The following STAMBPL1 variants were observed in gnomAD, a reference collection of about 807,000 sequenced individuals.
STAMBPL1 encodes STAM binding protein like 1, also known as AMSH-like protease.
Under a neutral mutation model 52.9 loss-of-function variants are expected in STAMBPL1, and 44 were observed. That is an observed-to-expected ratio of 0.83 (90% CI 0.65 to 1.07). STAMBPL1 has a LOEUF of 1.07. STAMBPL1 is among the 50% of genes least tolerant of loss of function. STAMBPL1 has a pLI of 0.00. For missense variants in STAMBPL1, 511 were observed against 520.8 expected (o/e 0.98, Z 0.18); for synonymous variants, 164 against 177.3 (o/e 0.92, Z 0.60).
intron 10 of STAMBPL1, among the ~76,000 whole-genome samples, chr10:88,922,883 C>CT (rs928575598): frequency 4.0e-5 from 6 of 150,962 alleles, no homozygotes; most frequent in East Asian, 1.9e-4. Context: ...TTGACTACGC[C>CT]TTTTTTTTTC....
At chr10:88,889,190 T>TTTTAAAACC (rs1425176917) in intron 1 of STAMBPL1, among the ~76,000 whole-genome samples, 1 of 152,206 alleles carries the variant, frequency 6.6e-6, no homozygotes, top group African/African-American at 2.4e-5. Context: ...TGGCTATTTA[T>TTTTAAAACC]TTTAAAACCA....
At chr10:88,886,173 C>T (rs866183277) in intron 1 of STAMBPL1, among the ~76,000 whole-genome samples, 3 of 152,170 alleles carry the variant, frequency 2.0e-5, no homozygotes, top group East Asian at 1.9e-4. Context: ...AATACCAAAA[C>T]GTCAAGGAAA....
intron 5 of STAMBPL1, 87 bp from the exon 6 acceptor site, chr10:88,913,014 G>C: frequency 8.7e-7 from 1 of 1,149,244 alleles, no homozygotes; most frequent in Non-Finnish European, 1.2e-6. Flanking sequence ...CATTTTCTCT[G>C]TCTGCTTGAA....
intron 2 of STAMBPL1, among the ~76,000 whole-genome samples, chr10:88,903,099 A>G (rs1234238814): frequency 2.0e-5 from 3 of 152,166 alleles, no homozygotes; most frequent in African/African-American, 7.2e-5. Flanking sequence ...TTAAAATTTT[A>G]TTGTATATGT....
chr10:88,893,064 G>A (rs1174134497), intron 1 of STAMBPL1, among the ~76,000 whole-genome samples: 2 of 152,158 alleles, frequency 1.3e-5, no homozygotes, highest in Admixed American at 6.5e-5. Flanking sequence ...TGCCTTATGG[G>A]TAGCTTATCT....
intron 10 of STAMBPL1, 54 bp from the exon 11 acceptor site, chr10:88,923,114 G>T (rs1845555373): frequency 7.8e-7 from 1 of 1,289,296 alleles, no homozygotes; most frequent in African/African-American, 1.5e-5. Flanking sequence ...AAATCATATG[G>T]TAAACATTAT....
chr10:88,915,664 G>A (rs1490736164), intron 7 of STAMBPL1, among the ~76,000 whole-genome samples: 4 of 152,180 alleles, frequency 2.6e-5, no homozygotes, highest in Non-Finnish European at 2.9e-5. Flanking sequence ...CAACAGCCAC[G>A]GTCCCTGCCT....
At chr10:88,894,647 C>T (rs554532626) in intron 1 of STAMBPL1, among the ~76,000 whole-genome samples, 70 of 152,074 alleles carry the variant, frequency 4.6e-4, no homozygotes, top group Non-Finnish European at 8.4e-4. Context: ...GGAAAAAGAC[C>T]GAATTCAAGA....
intron 3 of STAMBPL1, 30 bp downstream of exon 3, chr10:88,905,690 A>G: frequency 2.6e-6 from 4 of 1,539,724 alleles, no homozygotes; most frequent in Non-Finnish European, 3.6e-6. Context: ...CTGAAGTGAG[A>G]AAATTGGAAA....
intron 5 of STAMBPL1, 173 bp from the exon 6 acceptor site, chr10:88,912,928 A>G: frequency 3.0e-6 from 2 of 660,056 alleles, no homozygotes; most frequent in South Asian, 1.8e-5. Context: ...AATCAGATCA[A>G]GGGGCTTTTG....
chr10:88,889,508 G>A (rs189887651), intron 1 of STAMBPL1, among the ~76,000 whole-genome samples: 132 of 152,058 alleles, frequency 8.7e-4, no homozygotes, highest in African/African-American at 3.1e-3. Flanking sequence ...TTACTGTTAT[G>A]CAAATGTTTC....
intron 8 of STAMBPL1, among the ~76,000 whole-genome samples, chr10:88,918,850 T>A (rs1845435910): frequency 6.6e-6 from 1 of 152,144 alleles, no homozygotes; most frequent in Non-Finnish European, 1.5e-5. Context: ...AAACAAAAAT[T>A]TTCCCCTTAT....
In STAMBPL1 at chr10:88,920,032, G is replaced by A. The variant is rs531654741; in HGVS notation, c.1042-1251G>A. Among the ~76,000 whole-genome samples, 24 of 151,920 alleles carry A rather than the reference G, an allele frequency of 1.6e-4. No individual in the cohort carries two copies. The South Asian group carries it at 5.0e-3, about 32-fold the overall frequency. On this transcript the variant is annotated intron_variant, in intron 8 of 10. Coordinates refer to ENST00000371926, the MANE Select transcript of STAMBPL1 (RefSeq NM_020799.4). ...AAAAAACTTTTTTTTTGTTTGTTTT[G>A]GAGAGATGGAGTCTACCTATATTGT... is the stretch of plus-strand genomic sequence containing the variant.
At position 88,882,813 on chromosome 10, in the gene STAMBPL1, C is replaced by A. The variant is rs554301924; in HGVS notation, c.-54+2175C>A. Reference sequence around the variant, plus strand: ...TCCATTCCTTAGGGCTGATGCATAGCAGCTCTTTGATAAATATTTGCTAAA... The same window carrying A: ...TCCATTCCTTAGGGCTGATGCATAGAAGCTCTTTGATAAATATTTGCTAAA... On this transcript the variant is annotated intron_variant, in intron 1 of 10. Coordinates refer to ENST00000371926, the MANE Select transcript of STAMBPL1 (RefSeq NM_020799.4). 143 of 152,264 alleles carry A rather than the reference C, an allele frequency of 9.4e-4. 1 individual carries two copies. The highest frequency in any genetic ancestry group is 3.3e-3 in the African/African-American group (137 of 41,546). The allele number at this position is 152,264 out of a possible 1,614,324, so 9.4% of individuals were successfully genotyped here.
intron 3 of STAMBPL1, among the ~76,000 whole-genome samples, chr10:88,907,070 C>A (rs192753357): frequency 5.3e-5 from 8 of 152,124 alleles, no homozygotes; most frequent in Non-Finnish European, 7.3e-5. Context: ...TCTCTGCCCC[C>A]CTGTGAATTC....
chr10:88,920,128 G>A (rs1007730822), intron 8 of STAMBPL1, among the ~76,000 whole-genome samples: 1 of 152,102 alleles, frequency 6.6e-6, no homozygotes, highest in Non-Finnish European at 1.5e-5. Flanking sequence ...TGGGATTACA[G>A]GCATGAGCCG....
intron 8 of STAMBPL1, among the ~76,000 whole-genome samples, chr10:88,919,025 T>C (rs1207815193): frequency 6.6e-6 from 1 of 152,228 alleles, no homozygotes. Flanking sequence ...TAAGTGATTG[T>C]AATGACTTTT....
chr10:88,881,613 G>A (rs577360042), intron 1 of STAMBPL1, among the ~76,000 whole-genome samples: 3 of 152,236 alleles, frequency 2.0e-5, no homozygotes, highest in African/African-American at 7.2e-5. Context: ...ATGATTTAAG[G>A]CCCTGTCAAG....
At position 88,921,335 on chromosome 10, in the gene STAMBPL1, G is replaced by C. The variant is rs372860750; in HGVS notation, c.1094G>C (p.Cys365Ser). The C allele has an allele frequency of 1.1e-5, 18 of 1,613,208 alleles. No homozygotes were observed. Among genetic ancestry groups the C allele is most frequent in the Middle Eastern group, 1.6e-4 (1 of 6,076 alleles). The change falls in exon 9 of 11, where the codon TGT becomes TCT. Residue 365 changes from cysteine to serine, a missense_variant. Physicochemically the swap from Cys to Ser is moderately radical, Grantham distance 112. Transcript: ENST00000371926. The part of the protein sequence containing the change: ...FLSSVDLHTH[C>S]SYQLMLPEAI... ...TCCAGCGTTGATCTTCACACTCACT[G>C]TTCCTATCAACTCATGTTGCCAGAG...
Sources: allele counts gnomAD v4.1 joint callset (sites outside exome capture counted in the v4.1 genomes callset), GRCh38; gene constraint gnomAD v4.1.1; transcripts MANE v1.5; gene names NCBI Gene and HGNC (gene_info 2026-07-23, HGNC 2026-07-21).